Variants in ASF1B observed in about 807,000 individuals in gnomAD.
ASF1B encodes anti-silencing function 1B histone chaperone, also known as histone chaperone ASF1B.
ASF1B carries 10 observed loss-of-function variants against 16.6 expected under a neutral mutation model. That is an observed-to-expected ratio of 0.60 (90% CI 0.37 to 1.02). ASF1B has a LOEUF of 1.02. Ranked by LOEUF, ASF1B falls within the 50% of genes least tolerant of loss-of-function variation. The pLI, the probability that ASF1B is intolerant of heterozygous loss-of-function variation, is 0.01. For missense variants in ASF1B, 240 were observed against 266.0 expected (o/e 0.90, Z 0.68); for synonymous variants, 101 against 106.2 (o/e 0.95, Z 0.30).
intron 2 of ASF1B, among the ~76,000 whole-genome samples, chr19:14,124,326 C>T (rs57771194): frequency 0.19 from 28,644 of 151,608 alleles, 3,353 homozygotes; most frequent in African/African-American, 0.34. Context: ...GCTAATTTTT[C>T]TATTTTTTGT....
In ASF1B at chr19:14,126,336, G is replaced by T. The variant is rs1395236882; in HGVS notation, c.110-99C>A. 34 of 760,574 alleles carry T rather than the reference G, an allele frequency of 4.5e-5. 1 individual carries two copies. The highest frequency in any genetic ancestry group is 5.8e-4 in the Middle Eastern group (2 of 3,432). The allele number at this position is 760,574 out of a possible 1,614,324, so 47.1% of individuals were successfully genotyped here. On this transcript the variant is annotated intron_variant, in intron 1 of 3. Transcript: ENST00000263382. ...TTTTTTTTTTTTGAGATGGAGTCTC[G>T]TTCTGTCACACAGGTTAGAATACAG...
chr19:14,131,575 T>TG (rs1207044614), intron 1 of ASF1B, among the ~76,000 whole-genome samples: 11 of 150,056 alleles, frequency 7.3e-5, no homozygotes, highest in Non-Finnish European at 1.6e-4. Context: ...CTCTGCCTCC[T>TG]GGGTTCACGC....
intron 1 of ASF1B, among the ~76,000 whole-genome samples, chr19:14,133,279 G>A (rs910733322): frequency 3.9e-5 from 6 of 152,136 alleles, no homozygotes; most frequent in African/African-American, 9.7e-5. Flanking sequence ...CTGGATTGGA[G>A]CAAAGATAAA....
In ASF1B at chr19:14,136,458, G is replaced by T. The variant is rs1352215154; in HGVS notation, c.-2C>A. ...GTTCAGCACCGACACCTTGGCCATC[G>T]CCTCGCCTCGCCGCGCCGCAGCAGG... On this transcript the variant is annotated 5_prime_UTR_variant, in exon 1 of 4. Coordinates refer to ENST00000263382, the MANE Select transcript of ASF1B (RefSeq NM_018154.3). 2 of 1,611,504 alleles carry T rather than the reference G, an allele frequency of 1.2e-6. No individual in the cohort carries two copies. The highest frequency in any genetic ancestry group is 3.3e-5 in the Admixed American group (2 of 59,862).
In ASF1B at chr19:14,127,290, C is replaced by T. The variant is rs7246175; in HGVS notation, c.110-1053G>A. Among the ~76,000 whole-genome samples, 1,323 of 152,312 alleles carry T rather than the reference C, an allele frequency of 8.7e-3. 16 individuals carry two copies. Among genetic ancestry groups the T allele is most frequent in the African/African-American group, 0.03 (1,261 of 41,568 alleles). On this transcript the variant is annotated intron_variant, in intron 1 of 3. Coordinates refer to ENST00000263382, the MANE Select transcript of ASF1B (RefSeq NM_018154.3). Reference sequence around the variant, plus strand: ...AAACCTGGGCCTCTCAAGGCCTGAGCGTGAACTGTATGGCAGAGGCTGAAT... The same window carrying T: ...AAACCTGGGCCTCTCAAGGCCTGAGTGTGAACTGTATGGCAGAGGCTGAAT...
At chr19:14,133,901 T>G (rs1246911265) in intron 1 of ASF1B, among the ~76,000 whole-genome samples, 6 of 147,072 alleles carry the variant, frequency 4.1e-5, no homozygotes, top group African/African-American at 1.5e-4. Flanking sequence ...CCTCCCGGGT[T>G]CACGCCATTC....
At chr19:14,129,959 C>T (rs963657489) in intron 1 of ASF1B, among the ~76,000 whole-genome samples, 17 of 147,790 alleles carry the variant, frequency 1.2e-4, no homozygotes, top group Non-Finnish European at 1.6e-4. Context: ...GAACTGAGAT[C>T]GTGCCTCTGC....
At chr19:14,135,477 G>C (rs1967475883) in intron 1 of ASF1B, among the ~76,000 whole-genome samples, 2 of 152,134 alleles carry the variant, frequency 1.3e-5, no homozygotes, top group African/African-American at 2.4e-5. Flanking sequence ...TAGGGGGGTT[G>C]GGCCCCAACG....
chr19:14,125,976 G>A (rs751932395), intron 2 of ASF1B, 146 bp downstream of exon 2: 38 of 598,292 alleles, frequency 6.4e-5, no homozygotes, highest in Non-Finnish European at 1.1e-4. Context: ...TCTCACCTCA[G>A]TCCCTGGAGT....
In ASF1B at chr19:14,121,698, G is replaced by A; in HGVS notation, c.236C>T (p.Pro79Leu). ...AGTCTCTGGGATGAGGGATGGGTTG[G>A]GGGCGTCGGCCTAGGGGAGACACAT... ...RHMFVFQADAPNPSLIPETDA... is the reference protein window; with the variant it reads ...RHMFVFQADALNPSLIPETDA... The change falls in exon 3 of 4, where the codon CCC (proline) becomes CTC (leucine). Residue 79 changes from proline (P) to leucine (L), a missense_variant. Pro to Leu is a moderately conservative substitution (Grantham distance 98). Coordinates refer to ENST00000263382, the MANE Select transcript of ASF1B (RefSeq NM_018154.3). 1 of 1,613,728 alleles carries A rather than the reference G, an allele frequency of 6.2e-7. No homozygotes were observed. Among genetic ancestry groups the A allele is most frequent in the South Asian group, 1.1e-5 (1 of 91,052 alleles).
intron 1 of ASF1B, among the ~76,000 whole-genome samples, chr19:14,130,506 A>T (rs956757943): frequency 3.2e-5 from 4 of 124,810 alleles, no homozygotes; most frequent in African/African-American, 9.2e-5. Context: ...CTATCTCTTT[A>T]AAAAAAAAAA....
At position 14,133,050 on chromosome 19, in the gene ASF1B, G is replaced by A. The variant is rs1040659151; in HGVS notation, c.109+3298C>T. Among the ~76,000 whole-genome samples, 31 of 151,894 alleles carry A rather than the reference G, an allele frequency of 2.0e-4. 1 individual carries two copies. Among genetic ancestry groups the A allele is most frequent in the African/African-American group, 7.5e-4 (31 of 41,384 alleles). ...CAGGAGAATGGCGTGAACCCGGGAG[G>A]CGGAGCTTGCAATGAGCCATGATCA... On this transcript the variant is annotated intron_variant, in intron 1 of 3. Transcript: ENST00000263382.
chr19:14,134,978 CT>C lies in ASF1B; in HGVS notation c.109+1369del, dbSNP rs568473691. Among the ~76,000 whole-genome samples, 112 of 151,516 alleles carry C rather than the reference CT, an allele frequency of 7.4e-4. 1 individual carries two copies. Among genetic ancestry groups the C allele is most frequent in the Admixed American group, 1.9e-3 (29 of 15,226 alleles). On this transcript the variant is annotated intron_variant, in intron 1 of 3. Transcript: ENST00000263382. ...GTGGCTCACGCCTGTAATCCCAGCA[CT>C]TTGGGAGGCCAAGGCGGGTGGATCA...
chr19:14,122,258 G>T (rs1967250906), intron 2 of ASF1B, among the ~76,000 whole-genome samples: 1 of 151,686 alleles, frequency 6.6e-6, no homozygotes, highest in African/African-American at 2.4e-5. Context: ...GTACAGACGG[G>T]ATTTCACCAT....
chr19:14,133,834 CG>C (rs1967444486), intron 1 of ASF1B, among the ~76,000 whole-genome samples: 2 of 121,232 alleles, frequency 1.6e-5, no homozygotes, highest in South Asian at 5.7e-4. Flanking sequence ...GACGGAGTCT[CG>C]CTCTGTCGCC....
At chr19:14,132,024 GTTTT>G (rs34539223) in intron 1 of ASF1B, among the ~76,000 whole-genome samples, 9 of 124,584 alleles carry the variant, frequency 7.2e-5, no homozygotes, top group African/African-American at 1.8e-4. Context: ...GGTTAGGGTG[GTTTT>G]TTTTTTTTTT....
chr19:14,125,683 T>C (rs1967307218), intron 2 of ASF1B, among the ~76,000 whole-genome samples: 1 of 151,890 alleles, frequency 6.6e-6, no homozygotes, highest in African/African-American at 2.4e-5. Context: ...CTCCCAAGTA[T>C]CTGAGACTAC....
At chr19:14,134,057 G>A (rs1967448972) in intron 1 of ASF1B, among the ~76,000 whole-genome samples, 1 of 152,032 alleles carries the variant, frequency 6.6e-6, no homozygotes. Context: ...GCCCGCCTCG[G>A]CCTCCCAAAG....
chr19:14,131,189 CTTTTTTTTT>C (rs917061483), intron 1 of ASF1B, among the ~76,000 whole-genome samples: 14 of 117,780 alleles, frequency 1.2e-4, no homozygotes, highest in African/African-American at 4.1e-4. Flanking sequence ...TTTTTTTTTT[CTTTTTTTTT>C]TTTTGAAACA....
Sources: gnomAD v4.1 joint callset for allele counts (sites outside exome capture counted in the v4.1 genomes callset) on GRCh38, gnomAD v4.1.1 for gene constraint, MANE v1.5 for transcripts, NCBI Gene and HGNC (gene_info 2026-07-23, HGNC 2026-07-21) for gene names.